Variants in RBM20 observed in about 807,000 individuals in gnomAD.
RBM20 encodes RNA binding motif protein 20.
Under a neutral mutation model 110.1 loss-of-function variants are expected in RBM20, and 51 were observed. The observed-to-expected ratio is 0.46, with a 90% confidence interval of 0.37 to 0.59. The LOEUF is 0.59. RBM20 is among the 20% of genes least tolerant of loss of function. RBM20 has a pLI of 0.00. For synonymous variants in RBM20, 589 were observed against 618.2 expected (o/e 0.95, Z 0.70); for missense variants, 1,512 against 1,574.9 (o/e 0.96, Z 0.68).
At chr10:110,818,438 G>A (rs1269158904) in intron 9 of RBM20, among the ~76,000 whole-genome samples, 7 of 151,806 alleles carry the variant, frequency 4.6e-5, no homozygotes, top group East Asian at 3.9e-4. Context: ...GAAGTGGTTC[G>A]GTAGCCCGGG....
intron 7 of RBM20, among the ~76,000 whole-genome samples, chr10:110,802,493 T>G (rs138734250): frequency 1.3e-5 from 2 of 151,602 alleles, no homozygotes; most frequent in Admixed American, 1.3e-4. Flanking sequence ...GATTCTTCCC[T>G]GGGGGCTGGA....
chr10:110,664,307 G>A (rs756592145), intron 1 of RBM20, among the ~76,000 whole-genome samples: 1 of 152,256 alleles, frequency 6.6e-6, no homozygotes, highest in South Asian at 2.1e-4. Context: ...CAAAGACCAC[G>A]GTGTCCTGTG....
chr10:110,834,066 G>A (rs1845092669), intron 13 of RBM20, among the ~76,000 whole-genome samples: 1 of 152,216 alleles, frequency 6.6e-6, no homozygotes, highest in Non-Finnish European at 1.5e-5. Context: ...AGCCTGTGCT[G>A]TGCCCCACGG....
At chr10:110,809,665 G>A (rs1050356897) in intron 7 of RBM20, among the ~76,000 whole-genome samples, 9 of 152,090 alleles carry the variant, frequency 5.9e-5, no homozygotes, top group Admixed American at 1.3e-4. Context: ...TGTGAAGCCC[G>A]ACTCCCAGCT....
intron 1 of RBM20, among the ~76,000 whole-genome samples, chr10:110,660,234 C>T (rs900952271): frequency 3.3e-5 from 5 of 152,004 alleles, no homozygotes; most frequent in African/African-American, 7.3e-5. Context: ...TAATGACAGT[C>T]GACTTGTGGC....
At chr10:110,812,219 G>T in intron 8 of RBM20, 59 bp from the exon 9 acceptor site, 1 of 1,399,796 alleles carries the variant, frequency 7.1e-7, no homozygotes. Flanking sequence ...GTCTGTGTGT[G>T]GGTGGGGTGG....
At position 110,784,747 on chromosome 10, in the gene RBM20, G is replaced by T. The variant is rs150879743; in HGVS notation, c.1430-45G>T. ...TTATGTCCTAATAATGACTTTTGAT[G>T]TTACATTCTGGGTTTTCACTGACTT... On this transcript the variant is annotated intron_variant, in intron 4 of 13. Transcript: ENST00000369519. The T allele has an allele frequency of 3.8e-3, 4,726 of 1,260,142 alleles. 22 individuals are homozygous for T. The highest frequency in any genetic ancestry group is 3.7e-3 in the Non-Finnish European group (3,247 of 881,108). The allele number at this position is 1,260,142 out of a possible 1,614,324, so 78.1% of individuals were successfully genotyped here. A position where few individuals can be genotyped will look rare whatever the true frequency, so the allele number is the denominator to read the frequency against.
intron 7 of RBM20, among the ~76,000 whole-genome samples, chr10:110,801,787 T>C (rs1186619747): frequency 6.6e-6 from 1 of 151,386 alleles, no homozygotes; most frequent in East Asian, 1.9e-4. Context: ...CCTTATGATC[T>C]GCCCGCCTCA....
At chr10:110,649,685 G>C (rs552376324) in intron 1 of RBM20, among the ~76,000 whole-genome samples, 2 of 152,230 alleles carry the variant, frequency 1.3e-5, no homozygotes, top group Non-Finnish European at 2.9e-5. Context: ...GAAAATTGCT[G>C]TGGATCTGCA....
At chr10:110,801,209 A>T (rs1044641600) in intron 7 of RBM20, among the ~76,000 whole-genome samples, 1 of 152,128 alleles carries the variant, frequency 6.6e-6, no homozygotes, top group African/African-American at 2.4e-5. Flanking sequence ...TGGGTGGATC[A>T]CGAGGTCAGG....
chr10:110,653,242 A>G lies in RBM20; in HGVS notation c.191+8597A>G, dbSNP rs566309100. Among the ~76,000 whole-genome samples the G allele has an allele frequency of 2.0e-5, 3 of 152,310 alleles. No individual in the cohort carries two copies. The South Asian group carries it at 6.2e-4, about 32-fold the overall frequency. On this transcript the variant is annotated intron_variant, in intron 1 of 13. Coordinates refer to ENST00000369519, the MANE Select transcript of RBM20 (RefSeq NM_001134363.3). ...CAAGCCAGTTATAGGAATGCCCATTATTATTTCTGCCACCCCAATTCCCAC... is the reference window on the plus strand; with the variant it reads ...CAAGCCAGTTATAGGAATGCCCATTGTTATTTCTGCCACCCCAATTCCCAC...
intron 1 of RBM20, among the ~76,000 whole-genome samples, chr10:110,737,681 G>C (rs1843686650): frequency 6.6e-6 from 1 of 151,266 alleles, no homozygotes. Flanking sequence ...TTGTGCCTAA[G>C]TTTCTTTTAC....
intron 1 of RBM20, chr10:110,761,097 CAAAAAAAA>C (rs201013581): frequency 0.27 from 20,342 of 76,656 alleles, 1,863 homozygotes; most frequent in Middle Eastern, 0.38. Flanking sequence ...GACTCCATCT[CAAAAAAAA>C]AAAAAAAAAA....
chr10:110,738,845 C>T (rs2134964922), intron 1 of RBM20, among the ~76,000 whole-genome samples: 1 of 152,238 alleles, frequency 6.6e-6, no homozygotes, highest in Non-Finnish European at 1.5e-5. Context: ...GTTGGGGCTG[C>T]AGCCTTTGTG....
At position 110,837,068 on chromosome 10, in the gene RBM20, T is replaced by C. The variant is rs1200971445; in HGVS notation, c.*1090T>C. ...ACCTCACAGTAGGATGGTTTTTAAA[T>C]GGCCCCCCAGTTGGGGGAGAAGCTA... On this transcript the variant is annotated 3_prime_UTR_variant, in exon 14 of 14. Coordinates refer to ENST00000369519, the MANE Select transcript of RBM20 (RefSeq NM_001134363.3). 9 of 152,252 alleles carry C rather than the reference T, an allele frequency of 5.9e-5. No individual in the cohort carries two copies. Among genetic ancestry groups the C allele is most frequent in the African/African-American group, 1.9e-4 (8 of 41,446 alleles). The allele number at this position is 152,252 out of a possible 1,614,324, so 9.4% of individuals were successfully genotyped here. A position where few individuals can be genotyped will look rare whatever the true frequency, so the allele number is the denominator to read the frequency against.
In RBM20 at chr10:110,799,860, T is replaced by A. The variant is rs1444950975; in HGVS notation, c.1742T>A (p.Ile581Asn). 2.6e-6 allele frequency: 4 copies of A among 1,552,126 alleles called. No individual in the cohort carries two copies. Among genetic ancestry groups the A allele is most frequent in the Admixed American group, 3.9e-5 (2 of 51,020 alleles). ...TATTATCAAGAAAAATCTGCTGTGA[T>A]CAATGGTGAGAAGTTGCTCATTCGG... ...VQYYQEKSAVINGEKLLIRMS... is the reference protein window; with the variant it reads ...VQYYQEKSAVNNGEKLLIRMS... Residue 581 changes from isoleucine (I) to asparagine (N), a missense_variant, in exon 7 of 14, where the codon ATC (isoleucine) becomes AAC (asparagine). Physicochemically the swap from Ile to Asn is moderately radical, Grantham distance 149 (BLOSUM62 -3). Coordinates refer to ENST00000369519, the MANE Select transcript of RBM20 (RefSeq NM_001134363.3).
chr10:110,661,295 G>A (rs555780686), intron 1 of RBM20, among the ~76,000 whole-genome samples: 3 of 152,300 alleles, frequency 2.0e-5, no homozygotes, highest in African/African-American at 7.2e-5. Flanking sequence ...TTGGAAGTAA[G>A]ACTCTCCCTG....
chr10:110,691,105 G>GCTTGCT (rs774734413), intron 1 of RBM20, among the ~76,000 whole-genome samples: 75 of 152,306 alleles, frequency 4.9e-4, no homozygotes, highest in Non-Finnish European at 8.8e-4. Flanking sequence ...ACACGAAAGA[G>GCTTGCT]CTTGCTCTTG....
intron 9 of RBM20, among the ~76,000 whole-genome samples, chr10:110,814,661 A>G (rs2135109601): frequency 6.6e-6 from 1 of 152,110 alleles, no homozygotes; most frequent in African/African-American, 2.4e-5. Flanking sequence ...ACGCCCGGCT[A>G]ATTTTTATAT....
Sources: gnomAD v4.1 joint callset for allele counts (sites outside exome capture counted in the v4.1 genomes callset) on GRCh38, gnomAD v4.1.1 for gene constraint, MANE v1.5 for transcripts, NCBI Gene and HGNC (gene_info 2026-07-23, HGNC 2026-07-21) for gene names.